The following ERAP2 variants were observed in gnomAD, a reference collection of about 807,000 sequenced individuals.
ERAP2 encodes the protein leukocyte-derived arginine aminopeptidase.
ERAP2 carries 118 observed loss-of-function variants against 111.1 expected under a neutral mutation model. The ratio of observed to expected loss-of-function variants is 1.06; its 90% CI spans 0.92 to 1.24. The LOEUF (loss-of-function observed/expected upper bound fraction) is 1.24, where lower values mean the gene tolerates loss of function less well. Among genes scored for constraint, ERAP2 ranks in the 50% most tolerant of loss-of-function variants. ERAP2 has a pLI of 0.00. For missense variants in ERAP2, 1,131 were observed against 1,125.8 expected (o/e 1.00, Z -0.07); for synonymous variants, 410 against 401.2 (o/e 1.02, Z -0.26).
intron 9 of ERAP2, among the ~76,000 whole-genome samples, chr5:96,898,824 GAC>G (rs938532691): frequency 6.6e-6 from 1 of 152,090 alleles, no homozygotes; most frequent in African/African-American, 2.4e-5. Context: ...CAGTGGTCCA[GAC>G]ACACTTTCTC....
Position 96,909,662 on chromosome 5 carries a change from G to A in ERAP2, c.2252G>A (p.Arg751His), listed in dbSNP as rs371569095. The A allele has an allele frequency of 4.3e-6, 7 of 1,614,128 alleles. No homozygotes were observed. The African/African-American group carries it at 5.3e-5, about 12-fold the overall frequency. The change falls in exon 15 of 19, where the codon CGC becomes CAC. Residue 751 changes from arginine to histidine, a missense_variant. Around this residue, in one of 3 missense-constraint regions of ERAP2, gnomAD observed 279 missense variants for 250.9 expected, o/e 1.11. Transcript: ENST00000437043. ...DKGSVWDRML[R>H]SALLKLACDL... ...GGCTCAGTCTGGGACAGGATGCTCC[G>A]CTCGGCTCTCTTGAAGCTGGCCTGT... is the stretch of plus-strand genomic sequence containing the variant.
chr5:96,883,759 G>T (rs1380360772), intron 2 of ERAP2, 33 bp from the exon 3 acceptor site: 1 of 1,589,156 alleles, frequency 6.3e-7, no homozygotes, highest in Non-Finnish European at 8.6e-7. Context: ...GATTTCACTT[G>T]TGCATTTTGG....
intron 10 of ERAP2, among the ~76,000 whole-genome samples, chr5:96,901,172 GTTTGTTTGTTTGTTTGAT>G (rs1234401969): frequency 8.3e-6 from 1 of 120,022 alleles, no homozygotes; most frequent in African/African-American, 3.4e-5. Flanking sequence ...TGAGGGTTTT[GTTTGTTTGTTTGTTTGAT>G]TTTGTTTGTT....
At chr5:96,915,563 G>A (rs560103611) in intron 17 of ERAP2, 125 bp from the exon 18 acceptor site, 37 of 443,740 alleles carry the variant, frequency 8.3e-5, no homozygotes, top group Admixed American at 2.6e-4. Flanking sequence ...GTAATTCACC[G>A]TATCTATTGT....
chr5:96,914,179 C>A (rs1330417219), intron 17 of ERAP2, among the ~76,000 whole-genome samples: 1 of 151,332 alleles, frequency 6.6e-6, no homozygotes. Context: ...ATCACAAAAC[C>A]CTATAAGGCA....
At chr5:96,883,690 T>C in intron 2 of ERAP2, 102 bp from the exon 3 acceptor site, 4 of 1,176,172 alleles carry the variant, frequency 3.4e-6, no homozygotes, top group Non-Finnish European at 4.7e-6. Context: ...AGAAATCAAG[T>C]CTATTACCCC....
chr5:96,902,389 T>G, intron 12 of ERAP2, 36 bp downstream of exon 12: 2 of 1,328,576 alleles, frequency 1.5e-6, no homozygotes, highest in Non-Finnish European at 2.2e-6. Flanking sequence ...TATTTCAATG[T>G]GGAAATTAAA....
chr5:96,903,384 G>T lies in ERAP2; in HGVS notation c.1836G>T (p.Leu612=). Reference sequence around the variant, plus strand: ...CCAATCTTATCCTCTTAGATACTCTGGATCTACCTGAAAAGACCAGTTGGG... The same window carrying T: ...CCAATCTTATCCTCTTAGATACTCTTGATCTACCTGAAAAGACCAGTTGGG... ...RHILKSKTDT[L]DLPEKTSWVK... The change falls in exon 13 of 19, where the codon CTG becomes CTT. Residue 612 remains leucine (L), a synonymous_variant. Coordinates refer to ENST00000437043, the MANE Select transcript of ERAP2 (RefSeq NM_022350.5). The T allele has an allele frequency of 6.2e-7, 1 of 1,611,648 alleles. No individual in the cohort carries two copies.
At chr5:96,909,231 G>A (rs1786440229) in intron 14 of ERAP2, 114 bp downstream of exon 14, 1 of 964,966 alleles carries the variant, frequency 1.0e-6, no homozygotes, top group South Asian at 1.6e-5. Flanking sequence ...CAGCTCGGGG[G>A]ACTGACTGAT....
At chr5:96,877,650 C>T (rs750061922) in intron 1 of ERAP2, among the ~76,000 whole-genome samples, 52 of 152,294 alleles carry the variant, frequency 3.4e-4, no homozygotes, top group Middle Eastern at 3.4e-3. Context: ...CCCATGATCA[C>T]GTAGGTGAGG....
chr5:96,882,325 A>G (rs1783225132), intron 2 of ERAP2, among the ~76,000 whole-genome samples: 1 of 152,096 alleles, frequency 6.6e-6, no homozygotes, highest in South Asian at 2.1e-4. Context: ...AGAGGGGGAG[A>G]TATTTGGAGT....
Position 96,909,618 on chromosome 5 carries a change from G to C in ERAP2, c.2208G>C (p.Arg736Ser), listed in dbSNP as rs1356936628. The C allele has an allele frequency of 3.7e-6, 6 of 1,614,148 alleles. No homozygotes were observed. The highest frequency in any genetic ancestry group is 5.1e-6 in the Non-Finnish European group (6 of 1,180,012). The change falls in exon 15 of 19, where the codon AGG becomes AGC. Residue 736 changes from arginine to serine, a missense_variant. Transcript: ENST00000437043. ...LLQYFKPVIDRQSWSDKGSVW... is the reference protein window; with the variant it reads ...LLQYFKPVIDSQSWSDKGSVW... ...AGTATTTTAAGCCAGTGATTGACAGGCAAAGCTGGAGTGACAAGGGCTCAG... is the reference window on the plus strand; with the variant it reads ...AGTATTTTAAGCCAGTGATTGACAGCCAAAGCTGGAGTGACAAGGGCTCAG...
At position 96,918,777 on chromosome 5, in the gene ERAP2, G is replaced by A. The variant is rs1346763350; in HGVS notation, c.*1172G>A. ...AAATCTTTTGAAATTTGCAGAATTA[G>A]ATTGTATTGTGTATTTTCGGTTAAA... On this transcript the variant is annotated 3_prime_UTR_variant, in exon 19 of 19. Coordinates refer to ENST00000437043, the MANE Select transcript of ERAP2 (RefSeq NM_022350.5). The A allele has an allele frequency of 6.6e-6, 1 of 152,138 alleles. No homozygotes were observed. Among genetic ancestry groups the A allele is most frequent in the African/African-American group, 2.4e-5 (1 of 41,450 alleles). 9.4% of individuals were successfully genotyped at this position (152,138 alleles called of 1,614,324 possible). A position where few individuals can be genotyped will look rare whatever the true frequency, so the allele number is the denominator to read the frequency against.
At chr5:96,880,926 T>C (rs999757481) in intron 2 of ERAP2, 1 of 158,248 alleles carries the variant, frequency 6.3e-6, no homozygotes, top group African/African-American at 2.4e-5. Context: ...AGGCTGGAGA[T>C]TGAAACTAAT....
At position 96,879,812 on chromosome 5, in the gene ERAP2, A is replaced by G. The variant is rs758416048; in HGVS notation, c.127A>G (p.Ser43Gly). 5 of 1,614,154 alleles carry G rather than the reference A, an allele frequency of 3.1e-6. No homozygotes were observed. The highest frequency in any genetic ancestry group is 2.2e-5 in the South Asian group (2 of 91,086). The stretch of plus-strand genomic sequence containing the variant: ...TTGTTCTCAGTTCTCAGTGCCATCT[A>G]GTTATCACTTCACTGAGGATCCTGG... ...CICSQFSVPS[S>G]YHFTEDPGAF... The change falls in exon 2 of 19, where the codon AGT (serine) becomes GGT (glycine). Residue 43 changes from serine (S) to glycine (G), a missense_variant. By Grantham distance (56) the Ser-to-Gly change is moderately conservative. Around this residue, in one of 3 missense-constraint regions of ERAP2, gnomAD observed 847 missense variants for 856.5 expected, o/e 0.99. Transcript: ENST00000437043.
At position 96,909,073 on chromosome 5, in the gene ERAP2, A is replaced by G; in HGVS notation, c.2125A>G (p.Met709Val). 1 of 1,614,160 alleles carries G rather than the reference A, an allele frequency of 6.2e-7. No individual in the cohort carries two copies. The highest frequency in any genetic ancestry group is 8.5e-7 in the Non-Finnish European group (1 of 1,180,006). ...GAGTTACTTGGAATCGTTTTACCAC[A>G]TGATGGACAGAAGGAATATTTCAGA... The part of the protein sequence containing the change: ...GLSYLESFYH[M>V]MDRRNISDIS... The change falls in exon 14 of 19, where the codon ATG (methionine) becomes GTG (valine). Residue 709 changes from methionine to valine, a missense_variant. Physicochemically the swap from Met to Val is conservative, Grantham distance 21. Transcript: ENST00000437043.
At position 96,915,703 on chromosome 5, in the gene ERAP2, A is replaced by T. The variant is rs1368857359; in HGVS notation, c.2673A>T (p.Ser891=). The T allele has an allele frequency of 1.3e-6, 2 of 1,555,336 alleles. No individual in the cohort carries two copies. Among genetic ancestry groups the T allele is most frequent in the Non-Finnish European group, 1.7e-6 (2 of 1,152,302 alleles). Residue 891 remains serine (S), a synonymous_variant, in exon 18 of 19, where the codon TCA becomes TCT. Coordinates refer to ENST00000437043, the MANE Select transcript of ERAP2 (RefSeq NM_022350.5). ...TTATTTTCAGATTTGACTTGGGCTCATATGACATAAGGATGATCATCTCTG... is the reference window on the plus strand; with the variant it reads ...TTATTTTCAGATTTGACTTGGGCTCTTATGACATAAGGATGATCATCTCTG... The part of the protein sequence containing the change: ...THLLKKFDLG[S]YDIRMIISGT...
intron 11 of ERAP2, 114 bp from the exon 12 acceptor site, chr5:96,902,160 A>G (rs1156562993): frequency 1.5e-6 from 1 of 657,654 alleles, no homozygotes; most frequent in African/African-American, 1.8e-5. Context: ...ACTTGTGGGT[A>G]GTATGAAGGA....
intron 13 of ERAP2, among the ~76,000 whole-genome samples, chr5:96,907,433 A>G (rs1328330172): frequency 1.3e-5 from 2 of 152,212 alleles, no homozygotes; most frequent in Non-Finnish European, 2.9e-5. Context: ...CTTAATATAA[A>G]GTAGTTTTAA....
Sources: allele counts gnomAD v4.1 joint callset (sites outside exome capture counted in the v4.1 genomes callset), GRCh38; gene constraint gnomAD v4.1.1; regional missense constraint gnomAD v4.1.1; transcripts MANE v1.5; gene names NCBI Gene and HGNC (gene_info 2026-07-23, HGNC 2026-07-21).